Variants in MRPL22 observed in about 807,000 individuals in gnomAD.
The protein encoded by MRPL22 is mitochondrial ribosomal protein L22.
A neutral mutation model predicts 32.4 loss-of-function variants in MRPL22; 27 were observed. The observed-to-expected ratio is 0.83, with a 90% CI of 0.61 to 1.15. The LOEUF is 1.15. Among genes scored for constraint, MRPL22 ranks in the 50% most tolerant of loss-of-function variants. The pLI is 0.00. For synonymous variants in MRPL22, 86 were observed against 87.3 expected, an observed-to-expected ratio of 0.99 and a Z score of 0.08; for missense variants, 239 against 260.2, an observed-to-expected ratio of 0.92 and a Z score of 0.56.
chr5:154,950,923 A>G lies in MRPL22; in HGVS notation c.180A>G (p.Glu60=), dbSNP rs779022988. 5.0e-6 allele frequency: 8 copies of G among 1,607,306 alleles called. No homozygotes were observed. In the South Asian group the frequency reaches 7.7e-5, roughly 15 times the overall value. The change falls in exon 3 of 7, where the codon GAA becomes GAG. Residue 60 remains glutamate (E), a synonymous_variant. Coordinates refer to ENST00000523037, the MANE Select transcript of MRPL22 (RefSeq NM_014180.4). ...TTTATCCTCCACAACTGCCTGGAGA[A>G]CCTCGGAGACCAGCAGTAAGTTCGT... ...KIVYPPQLPG[E]PRRPAEIYHC...
At chr5:154,950,536 A>G (rs1378228401) in intron 2 of MRPL22, among the ~76,000 whole-genome samples, 3 of 152,222 alleles carry the variant, frequency 2.0e-5, no homozygotes, top group Non-Finnish European at 2.9e-5. Context: ...TGGGTGACTT[A>G]TAGAAGACAG....
intron 3 of MRPL22, among the ~76,000 whole-genome samples, chr5:154,954,282 G>A (rs957277793): frequency 1.3e-5 from 2 of 152,032 alleles, no homozygotes; most frequent in Non-Finnish European, 2.9e-5. Context: ...GAGCCACAGC[G>A]CCTGGCCAGA....
chr5:154,965,580 A>G (rs1265478075), intron 6 of MRPL22, among the ~76,000 whole-genome samples: 1 of 151,956 alleles, frequency 6.6e-6, no homozygotes, highest in East Asian at 1.9e-4. Flanking sequence ...GCCCACCACC[A>G]CAACTGGCTA....
At chr5:154,960,993 A>G (rs1764696082) in intron 6 of MRPL22, among the ~76,000 whole-genome samples, 1 of 152,220 alleles carries the variant, frequency 6.6e-6, no homozygotes, top group Admixed American at 6.5e-5. Context: ...AAAGGGCTGA[A>G]TCAATACAGG....
chr5:154,966,485 C>G (rs1408838077), intron 6 of MRPL22, among the ~76,000 whole-genome samples: 1 of 152,208 alleles, frequency 6.6e-6, no homozygotes, highest in Non-Finnish European at 1.5e-5. Context: ...GTCTTGTGCA[C>G]TCTTACTTCT....
chr5:154,963,512 C>A (rs1018919033), intron 6 of MRPL22, among the ~76,000 whole-genome samples: 1 of 151,960 alleles, frequency 6.6e-6, no homozygotes, highest in African/African-American at 2.4e-5. Flanking sequence ...CTGTGTATAC[C>A]ATTAATATTA....
At chr5:154,957,289 A>G in intron 5 of MRPL22, 77 bp downstream of exon 5, 1 of 1,216,044 alleles carries the variant, frequency 8.2e-7, no homozygotes, top group Non-Finnish European at 1.2e-6. Context: ...TAGTAAGCTT[A>G]GCCTAAATCA....
At chr5:154,954,409 C>A (rs923509583) in intron 3 of MRPL22, among the ~76,000 whole-genome samples, 11 of 152,174 alleles carry the variant, frequency 7.2e-5, no homozygotes, top group Non-Finnish European at 1.2e-4. Context: ...ACATTTATTT[C>A]ATTTGAATAA....
At chr5:154,944,053 T>G (rs1430468272) in intron 2 of MRPL22, among the ~76,000 whole-genome samples, 1 of 152,146 alleles carries the variant, frequency 6.6e-6, no homozygotes, top group African/African-American at 2.4e-5. Context: ...GGTTACACAG[T>G]TAAATGTCAA....
In MRPL22 at chr5:154,941,106, G is replaced by A. The variant is rs369819021; in HGVS notation, c.-5G>A. ...TCGGCGGCTTCCGTAGCGGGAGGGC[G>A]AAAGATGGCGGCGGCAGTACTGGGA... On this transcript the variant is annotated 5_prime_UTR_variant, in exon 1 of 7. Transcript: ENST00000523037. The A allele has an allele frequency of 1.2e-6, 2 of 1,613,820 alleles. No homozygotes were observed. Among genetic ancestry groups the A allele is most frequent in the South Asian group, 1.1e-5 (1 of 91,070 alleles).
chr5:154,957,062 A>T, intron 4 of MRPL22, 73 bp from the exon 5 acceptor site: 1 of 1,357,574 alleles, frequency 7.4e-7, no homozygotes, highest in Non-Finnish European at 1.0e-6. Context: ...ATTATGTAAG[A>T]CTTTCATTGA....
intron 3 of MRPL22, 62 bp downstream of exon 3, chr5:154,951,000 G>A: frequency 9.5e-7 from 1 of 1,047,906 alleles, no homozygotes; most frequent in Non-Finnish European, 1.4e-6. Flanking sequence ...TAAGTGATTA[G>A]TAATGATTTA....
intron 2 of MRPL22, among the ~76,000 whole-genome samples, chr5:154,941,906 G>C (rs1764422805): frequency 6.6e-6 from 1 of 152,186 alleles, no homozygotes; most frequent in African/African-American, 2.4e-5. Context: ...TTGATAATCT[G>C]ATTGTAAATT....
rs895706826 is a variant in MRPL22 at position 154,969,193 on chromosome 5, T to G, written c.*2296T>G. The G allele has an allele frequency of 1.4e-4, 22 of 152,198 alleles. No individual in the cohort carries two copies. Among genetic ancestry groups the G allele is most frequent in the Non-Finnish European group, 1.5e-5 (1 of 68,038 alleles). 9.4% of individuals were successfully genotyped at this position (152,198 alleles called of 1,614,324 possible). On this transcript the variant is annotated 3_prime_UTR_variant, in exon 7 of 7. Coordinates refer to ENST00000523037, the MANE Select transcript of MRPL22 (RefSeq NM_014180.4). ...AGTGACGGAGGGAGGTGATTGATGA[T>G]GGGTGTGGTGTACCCCATGCTGTTC...
At chr5:154,944,089 C>G (rs1386051983) in intron 2 of MRPL22, among the ~76,000 whole-genome samples, 1 of 152,100 alleles carries the variant, frequency 6.6e-6, no homozygotes, top group Admixed American at 6.5e-5. Context: ...AAAATATTTT[C>G]TGGGACTACA....
chr5:154,952,915 C>G (rs749697381), intron 3 of MRPL22, among the ~76,000 whole-genome samples: 9 of 152,184 alleles, frequency 5.9e-5, no homozygotes, highest in Non-Finnish European at 1.3e-4. Flanking sequence ...GAGCAAAACC[C>G]GTAGCAGTAA....
At chr5:154,952,214 C>T (rs1193962924) in intron 3 of MRPL22, among the ~76,000 whole-genome samples, 3 of 152,118 alleles carry the variant, frequency 2.0e-5, no homozygotes, top group East Asian at 1.9e-4. Flanking sequence ...TAAATTACAA[C>T]AGTATTTGTC....
chr5:154,957,082 A>G, intron 4 of MRPL22, 53 bp from the exon 5 acceptor site: 1 of 1,489,428 alleles, frequency 6.7e-7, no homozygotes, highest in South Asian at 1.2e-5. Flanking sequence ...AAAAGGAAAC[A>G]TTGACTTTGT....
intron 5 of MRPL22, among the ~76,000 whole-genome samples, chr5:154,959,378 C>T (rs1210003803): frequency 1.3e-5 from 2 of 152,122 alleles, no homozygotes; most frequent in Non-Finnish European, 2.9e-5. Flanking sequence ...GATAGGGTCT[C>T]TGTTGCCCAG....
Sources: gnomAD v4.1 joint callset for allele counts (sites outside exome capture counted in the v4.1 genomes callset) on GRCh38, gnomAD v4.1.1 for gene constraint, MANE v1.5 for transcripts, NCBI Gene and HGNC (gene_info 2026-07-23, HGNC 2026-07-21) for gene names.